The following DSC3 variants were observed in gnomAD, a reference collection of about 807,000 sequenced individuals.
DSC3 encodes desmocollin-3.
In DSC3, 97 loss-of-function variants were observed where a neutral mutation model predicts 89.5. The ratio of observed to expected loss-of-function variants is 1.08; its 90% confidence interval spans 0.92 to 1.28. The LOEUF is 1.28. Among genes scored for constraint, DSC3 ranks in the 50% most tolerant of loss-of-function variants. The probability of loss-of-function intolerance (pLI) is 0.00; values close to 1 mark genes in which losing one functional copy is unlikely to be tolerated. For synonymous variants in DSC3, 436 were observed against 384.1 expected (o/e 1.14, Z -1.58); for missense variants, 1,199 against 1,085.3 (o/e 1.10, Z -1.47).
At chr18:31,009,671 C>CT (rs953629433) in intron 9 of DSC3, among the ~76,000 whole-genome samples, 1 of 152,200 alleles carries the variant, frequency 6.6e-6, no homozygotes, top group African/African-American at 2.4e-5. Context: ...ATCTAAGGCA[C>CT]TACTCTAACA....
rs1018536134 is a variant in DSC3 at position 31,023,476 on chromosome 18, G to C, written c.775+873C>G. On this transcript the variant is annotated intron_variant, in intron 6 of 15. Transcript: ENST00000360428. ...ATTTATTTAAAAAGAAACAAAACTA[G>C]GTTTCCTAAACTCCAAACCAATAAT... 5.3e-5 allele frequency among the ~76,000 whole-genome samples: 8 copies of C among 152,044 alleles called. No individual in the cohort carries two copies. In the East Asian group the frequency reaches 1.5e-3, roughly 29 times the overall value.
At chr18:31,006,488 T>A (rs1984846195) in intron 12 of DSC3, among the ~76,000 whole-genome samples, 1 of 152,074 alleles carries the variant, frequency 6.6e-6, no homozygotes, top group South Asian at 2.1e-4. Flanking sequence ...TTAACAGAGA[T>A]GGGGTTTCAC....
Position 30,991,956 on chromosome 18 carries a change from G to C in DSC3, c.*2219C>G, listed in dbSNP as rs1038617862. On this transcript the variant is annotated 3_prime_UTR_variant, in exon 16 of 16. Coordinates refer to ENST00000360428, the MANE Select transcript of DSC3 (RefSeq NM_001941.5). ...CGAGGCAGGCGGATCACGAGGTCAG[G>C]AGATCGAGACCATCCTGGCTAACAC... The C allele has an allele frequency of 2.0e-5, 3 of 152,148 alleles. No individual in the cohort carries two copies. Among genetic ancestry groups the C allele is most frequent in the East Asian group, 1.9e-4 (1 of 5,184 alleles). 9.4% of individuals were successfully genotyped at this position (152,148 alleles called of 1,614,324 possible).
chr18:31,030,900 T>C, intron 3 of DSC3, 73 bp downstream of exon 3: 1 of 1,378,288 alleles, frequency 7.3e-7, no homozygotes, highest in South Asian at 1.2e-5. Context: ...TTTATCCTTG[T>C]TTCTCTTTGC....
chr18:31,026,008 A>G, intron 4 of DSC3, 93 bp from the exon 5 acceptor site: 2 of 1,213,914 alleles, frequency 1.6e-6, no homozygotes, highest in Non-Finnish European at 2.3e-6. Context: ...TATTTTAAAG[A>G]GATAATTTCA....
chr18:31,006,990 G>C lies in DSC3; in HGVS notation c.1805C>G (p.Pro602Arg), dbSNP rs1190948863. ...TDILAVDPDE[P>R]VHGAPFYFSL... ...GAAATAAAATGGAGCTCCATGGACAGGTTCATCAGGATCAACAGCTAAAAT... is the reference window on the plus strand; with the variant it reads ...GAAATAAAATGGAGCTCCATGGACACGTTCATCAGGATCAACAGCTAAAAT... Residue 602 changes from proline (P) to arginine (R), a missense_variant, in exon 12 of 16, where the codon CCT becomes CGT. Physicochemically the swap from Pro to Arg is moderately radical, Grantham distance 103. Coordinates refer to ENST00000360428, the MANE Select transcript of DSC3 (RefSeq NM_001941.5). The C allele has an allele frequency of 6.2e-7, 1 of 1,613,784 alleles. No homozygotes were observed. Among genetic ancestry groups the C allele is most frequent in the African/African-American group, 1.3e-5 (1 of 74,890 alleles).
chr18:31,002,591 TC>T (rs1034181838), intron 13 of DSC3, among the ~76,000 whole-genome samples: 8 of 151,134 alleles, frequency 5.3e-5, no homozygotes, highest in Admixed American at 5.3e-4. Context: ...TCCCAGCTAC[TC>T]AGGAGGCTGA....
At chr18:31,010,885 T>G (rs927515259) in intron 9 of DSC3, among the ~76,000 whole-genome samples, 3 of 152,252 alleles carry the variant, frequency 2.0e-5, no homozygotes, top group African/African-American at 7.2e-5. Flanking sequence ...GTTATCTATT[T>G]TGGAACATTA....
At chr18:30,999,514 AG>A (rs535377710) in intron 14 of DSC3, among the ~76,000 whole-genome samples, 176 of 152,232 alleles carry the variant, frequency 1.2e-3, no homozygotes, top group Non-Finnish European at 2.1e-3. Flanking sequence ...AATAAACACA[AG>A]TTCAAAGATC....
intron 1 of DSC3, among the ~76,000 whole-genome samples, chr18:31,037,354 G>C (rs2144740521): frequency 6.6e-6 from 1 of 152,168 alleles, no homozygotes; most frequent in Non-Finnish European, 1.5e-5. Context: ...TCCTGTCGCT[G>C]GCAAAATGAC....
At chr18:31,005,443 C>T (rs941335508) in intron 12 of DSC3, among the ~76,000 whole-genome samples, 1 of 152,160 alleles carries the variant, frequency 6.6e-6, no homozygotes, top group African/African-American at 2.4e-5. Context: ...TTTGCACATT[C>T]CCAATGCATA....
At chr18:31,025,325 C>CAG (rs886114400) in intron 5 of DSC3, among the ~76,000 whole-genome samples, 1 of 152,084 alleles carries the variant, frequency 6.6e-6, no homozygotes, top group African/African-American at 2.4e-5. Context: ...ATGTAGTTCT[C>CAG]AGATGTGATC....
At chr18:31,021,043 C>A (rs1484378033) in intron 7 of DSC3, among the ~76,000 whole-genome samples, 1 of 150,564 alleles carries the variant, frequency 6.6e-6, no homozygotes, top group African/African-American at 2.5e-5. Context: ...TTTTATCTTC[C>A]TCTAAATTCA....
At chr18:31,015,643 C>T (rs778631598) in intron 9 of DSC3, among the ~76,000 whole-genome samples, 2 of 152,046 alleles carry the variant, frequency 1.3e-5, no homozygotes, top group African/African-American at 2.4e-5. Context: ...AGAGTTTCTC[C>T]ACATGGATCT....
chr18:31,042,737 C>T lies in DSC3; in HGVS notation c.-77G>A. On this transcript the variant is annotated 5_prime_UTR_variant, in exon 1 of 16. Transcript: ENST00000360428. Reference sequence around the variant, plus strand: ...GCGAGACCTGCCGAGGTGCAGGGCGCGGGAGGTGCTTTTCTCGCCGCTGCT... The same window carrying T: ...GCGAGACCTGCCGAGGTGCAGGGCGTGGGAGGTGCTTTTCTCGCCGCTGCT... 1 of 1,365,416 alleles carries T rather than the reference C, an allele frequency of 7.3e-7. No homozygotes were observed. The highest frequency in any genetic ancestry group is 1.0e-6 in the Non-Finnish European group (1 of 998,050). The allele number at this position is 1,365,416 out of a possible 1,614,324, so 84.6% of individuals were successfully genotyped here.
At chr18:31,011,912 C>T (rs1363339239) in intron 9 of DSC3, among the ~76,000 whole-genome samples, 1 of 98,714 alleles carries the variant, frequency 1.0e-5, no homozygotes, top group Non-Finnish European at 1.8e-5. Flanking sequence ...AGAATTGCGA[C>T]AGCAAATTCC....
intron 9 of DSC3, among the ~76,000 whole-genome samples, chr18:31,009,207 T>C (rs868350547): frequency 1.1e-4 from 16 of 151,892 alleles, no homozygotes; most frequent in African/African-American, 3.6e-4. Flanking sequence ...CGTGCCACCA[T>C]AATCAGCTAA....
At chr18:31,026,708 C>G (rs1985610941) in intron 4 of DSC3, among the ~76,000 whole-genome samples, 1 of 152,020 alleles carries the variant, frequency 6.6e-6, no homozygotes, top group Non-Finnish European at 1.5e-5. Context: ...TCTATTCTGC[C>G]CATCTTCCTT....
chr18:31,018,626 G>T (rs753736527), intron 8 of DSC3, 40 bp downstream of exon 8: 2 of 1,594,592 alleles, frequency 1.3e-6, no homozygotes, highest in Non-Finnish European at 8.6e-7. Context: ...AAAAATGATA[G>T]CAGATAAGAC....
Sources: gnomAD v4.1 joint callset for allele counts (sites outside exome capture counted in the v4.1 genomes callset) on GRCh38, gnomAD v4.1.1 for gene constraint, MANE v1.5 for transcripts, NCBI Gene and HGNC (gene_info 2026-07-23, HGNC 2026-07-21) for gene names.